Variants in KCNJ6 observed in about 807,000 individuals in gnomAD.
The protein encoded by KCNJ6 is G protein-activated inward rectifier potassium channel 2.
A neutral mutation model predicts 34.2 loss-of-function variants in KCNJ6; 9 were observed. The ratio of observed to expected loss-of-function variants is 0.26; its 90% CI spans 0.16 to 0.46. KCNJ6 has a LOEUF of 0.46. Among genes scored for constraint, KCNJ6 ranks in the 20% least tolerant of loss-of-function variants. The pLI, the probability that KCNJ6 is intolerant of heterozygous loss-of-function variation, is 1.00. For synonymous variants in KCNJ6, 196 were observed against 207.1 expected (o/e 0.95, Z 0.46); for missense variants, 236 against 531.3 (o/e 0.44, Z 5.46).
intron 2 of KCNJ6, among the ~76,000 whole-genome samples, chr21:37,805,859 C>G (rs948690627): frequency 6.6e-6 from 1 of 152,248 alleles, no homozygotes; most frequent in Non-Finnish European, 1.5e-5. Flanking sequence ...CTGTCAACCA[C>G]GAGGAGTCGG....
Position 37,616,919 on chromosome 21 carries a change from A to G in KCNJ6, c.*8240T>C. 1 of 151,948 alleles carries G rather than the reference A, an allele frequency of 6.6e-6. No homozygotes were observed. The highest frequency in any genetic ancestry group is 1.5e-5 in the Non-Finnish European group (1 of 68,010). The allele number at this position is 151,948 out of a possible 1,614,324, so 9.4% of individuals were successfully genotyped here. On this transcript the variant is annotated 3_prime_UTR_variant, in exon 4 of 4. Transcript: ENST00000609713. ...AATGCAGAGTTCCTTGCAGATAATA[A>G]CGGGACTTGAAATTGATGCCTTCAT... is the stretch of plus-strand genomic sequence containing the variant.
At chr21:37,845,645 T>C (rs1458309930) in intron 1 of KCNJ6, among the ~76,000 whole-genome samples, 1 of 152,222 alleles carries the variant, frequency 6.6e-6, no homozygotes, top group East Asian at 1.9e-4. Flanking sequence ...CATTATTCCG[T>C]TTGGCTACTG....
intron 3 of KCNJ6, among the ~76,000 whole-genome samples, chr21:37,688,158 A>G (rs940574533): frequency 2.0e-5 from 3 of 152,198 alleles, no homozygotes; most frequent in East Asian, 1.9e-4. Context: ...GGATAATTTT[A>G]GAGCAAAACT....
At chr21:37,847,511 T>C (rs1432883984) in intron 1 of KCNJ6, among the ~76,000 whole-genome samples, 1 of 152,222 alleles carries the variant, frequency 6.6e-6, no homozygotes, top group African/African-American at 2.4e-5. Flanking sequence ...AAGATCCTTC[T>C]TCAATCATCC....
intron 3 of KCNJ6, among the ~76,000 whole-genome samples, chr21:37,630,134 C>CTCTGTGTGTGTGTGTGTG (rs145670479): frequency 1.4e-5 from 2 of 144,154 alleles, no homozygotes; most frequent in African/African-American, 5.2e-5. Context: ...GATGACATCT[C>CTCTGTGTGTGTGTGTGTG]TGTGTGTGTG....
chr21:37,914,751 T>A (rs925971181), intron 1 of KCNJ6, among the ~76,000 whole-genome samples: 1 of 152,064 alleles, frequency 6.6e-6, no homozygotes, highest in African/African-American at 2.4e-5. Flanking sequence ...TTTCCGTTTC[T>A]TTTTTTCAGC....
chr21:37,765,212 GACATGCCACTGC>G lies in KCNJ6; in HGVS notation c.26-50093_26-50082del, dbSNP rs1179103122. On this transcript the variant is annotated intron_variant, in intron 2 of 3. Coordinates refer to ENST00000609713, the MANE Select transcript of KCNJ6 (RefSeq NM_002240.5). The stretch of plus-strand genomic sequence containing the variant: ...TCTGCATGGTGGAAACACTTCATAT[GACATGCCACTGC>G]ACATCTCTTTTAAATTTTGTGTTCA... Among the ~76,000 whole-genome samples, 45 of 152,324 alleles carry G rather than the reference GACATGCCACTGC, an allele frequency of 3.0e-4. 1 individual carries two copies. The highest frequency in any genetic ancestry group is 5.9e-5 in the Non-Finnish European group (4 of 68,036).
chr21:37,813,112 A>T (rs1489219890), intron 2 of KCNJ6, among the ~76,000 whole-genome samples: 1 of 152,244 alleles, frequency 6.6e-6, no homozygotes, highest in Non-Finnish European at 1.5e-5. Flanking sequence ...GCATTTCTAC[A>T]TGGCAACAGT....
intron 1 of KCNJ6, among the ~76,000 whole-genome samples, chr21:37,886,577 T>G (rs1181487564): frequency 6.6e-6 from 1 of 152,216 alleles, no homozygotes; most frequent in Non-Finnish European, 1.5e-5. Context: ...TAAAGGCACT[T>G]TTAATAAGGC....
chr21:37,853,861 T>TATATATATATATATATATATAA (rs940498600), intron 1 of KCNJ6, among the ~76,000 whole-genome samples: 7 of 146,732 alleles, frequency 4.8e-5, no homozygotes, highest in South Asian at 2.1e-4. Flanking sequence ...TATATATATA[T>TATATATATATATATATATATAA]AAATTACATT....
intron 2 of KCNJ6, among the ~76,000 whole-genome samples, chr21:37,733,796 G>A (rs1358921967): frequency 2.6e-5 from 4 of 152,198 alleles, no homozygotes; most frequent in African/African-American, 9.6e-5. Flanking sequence ...TCACATACAC[G>A]ACTGTGTTTT....
chr21:37,631,893 C>G (rs527516523), intron 3 of KCNJ6, among the ~76,000 whole-genome samples: 1 of 152,258 alleles, frequency 6.6e-6, no homozygotes, highest in East Asian at 1.9e-4. Flanking sequence ...GTGCCAAAAA[C>G]TGAGAGAGAG....
At position 37,685,727 on chromosome 21, in the gene KCNJ6, G is replaced by GA. The variant is rs1045753330; in HGVS notation, c.946+28483dup. Reference sequence around the variant, plus strand: ...AAAAAAATCTATCCTATGGATATCAGAGGTTTACTGCACTGTTATTTGTAA... The same window carrying GA: ...AAAAAAATCTATCCTATGGATATCAGAAGGTTTACTGCACTGTTATTTGTAA... On this transcript the variant is annotated intron_variant, in intron 3 of 3. Transcript: ENST00000609713. 5.1e-5 allele frequency among the ~76,000 whole-genome samples: 6 copies of GA among 118,436 alleles called. No homozygotes were observed. In the Admixed American group the frequency reaches 5.9e-4, roughly 12 times the overall value. The allele number at this position is 118,436 out of a possible 152,430, so 77.7% of individuals were successfully genotyped here. A position where few individuals can be genotyped will look rare whatever the true frequency, so the allele number is the denominator to read the frequency against.
chr21:37,806,647 A>C (rs1223958938), intron 2 of KCNJ6, among the ~76,000 whole-genome samples: 1 of 152,220 alleles, frequency 6.6e-6, no homozygotes, highest in Non-Finnish European at 1.5e-5. Flanking sequence ...TCAAGTTGTG[A>C]ATGAAAAATT....
chr21:37,891,933 T>C (rs1173495592), intron 1 of KCNJ6, among the ~76,000 whole-genome samples: 1 of 151,936 alleles, frequency 6.6e-6, no homozygotes, highest in Admixed American at 6.6e-5. Flanking sequence ...TGTGGGATGG[T>C]GGGGGTGGAG....
chr21:37,845,761 A>G (rs1601498472), intron 1 of KCNJ6, among the ~76,000 whole-genome samples: 1 of 152,158 alleles, frequency 6.6e-6, no homozygotes, highest in South Asian at 2.1e-4. Flanking sequence ...AATTAGCCAG[A>G]CCCATGGCTG....
intron 2 of KCNJ6, among the ~76,000 whole-genome samples, chr21:37,834,360 G>A (rs2055441414): frequency 6.6e-6 from 1 of 152,210 alleles, no homozygotes; most frequent in Admixed American, 6.5e-5. Context: ...CTGCCTGGTG[G>A]AACCCTGATC....
chr21:37,631,917 ACC>A, intron 3 of KCNJ6, among the ~76,000 whole-genome samples: 1 of 152,082 alleles, frequency 6.6e-6, no homozygotes, highest in Non-Finnish European at 1.5e-5. Context: ...GTCTTTTTGG[ACC>A]GAGTATTGGG....
intron 3 of KCNJ6, among the ~76,000 whole-genome samples, chr21:37,633,985 CAA>C (rs1239772659): frequency 6.6e-6 from 1 of 152,004 alleles, no homozygotes; most frequent in Admixed American, 6.6e-5. Context: ...TACAAAGACT[CAA>C]AAGTCAAAAC....
Sources: allele counts gnomAD v4.1 joint callset (sites outside exome capture counted in the v4.1 genomes callset), GRCh38; gene constraint gnomAD v4.1.1; transcripts MANE v1.5; gene names NCBI Gene and HGNC (gene_info 2026-07-23, HGNC 2026-07-21).